Variants in STAMBPL1 observed in about 807,000 individuals in gnomAD.
STAMBPL1 encodes the protein STAM binding protein like 1.
Under a neutral mutation model 52.9 loss-of-function variants are expected in STAMBPL1, and 44 were observed. The ratio of observed to expected loss-of-function variants is 0.83; its 90% CI spans 0.65 to 1.07. STAMBPL1 has a LOEUF of 1.07. Ranked by LOEUF, STAMBPL1 falls within the 50% of genes least tolerant of loss-of-function variation. The pLI, the probability that STAMBPL1 is intolerant of heterozygous loss-of-function variation, is 0.00. For missense variants in STAMBPL1, 511 were observed against 520.8 expected, an observed-to-expected ratio of 0.98 and a Z score of 0.18; for synonymous variants, 164 against 177.3, an observed-to-expected ratio of 0.92 and a Z score of 0.60.
chr10:88,904,230 G>A (rs1249885739), intron 2 of STAMBPL1, among the ~76,000 whole-genome samples: 2 of 152,178 alleles, frequency 1.3e-5, no homozygotes, highest in Non-Finnish European at 2.9e-5. Flanking sequence ...GGTAGAAGGG[G>A]TTGGTCTAAA....
chr10:88,912,153 T>C (rs1258821787), intron 5 of STAMBPL1, among the ~76,000 whole-genome samples: 3 of 152,148 alleles, frequency 2.0e-5, no homozygotes, highest in African/African-American at 7.2e-5. Context: ...ATTAGCATCA[T>C]TTGGAAGCTT....
rs1342594073 is a variant in STAMBPL1 at position 88,921,279 on chromosome 10, A to T, written c.1042-4A>T. On this transcript the variant is annotated splice_polypyrimidine_tract_variant and splice_region_variant and intron_variant, in intron 8 of 10. Transcript: ENST00000371926. ...AGTAAGATTATCTTATTTTCTATTT[A>T]TAGACACATCCCACTCAAACTGCAT... 6.8e-6 allele frequency: 11 copies of T among 1,609,202 alleles called. No homozygotes were observed. The highest frequency in any genetic ancestry group is 9.4e-6 in the Non-Finnish European group (11 of 1,176,462).
At position 88,923,446 on chromosome 10, in the gene STAMBPL1, A is replaced by G. The variant is rs1456278436; in HGVS notation, c.*222A>G. 13 of 1,249,052 alleles carry G rather than the reference A, an allele frequency of 1.0e-5. No individual in the cohort carries two copies. In the African/African-American group the frequency reaches 1.4e-4, roughly 13 times the overall value. 77.4% of individuals were successfully genotyped at this position (1,249,052 alleles called of 1,614,324 possible). Reference sequence around the variant, plus strand: ...GTGTTAAATCGGTACCTGATAATGTACCCAAATACTATGGCCAGATAATAA... The same window carrying G: ...GTGTTAAATCGGTACCTGATAATGTGCCCAAATACTATGGCCAGATAATAA... On this transcript the variant is annotated 3_prime_UTR_variant, in exon 11 of 11. Transcript: ENST00000371926.
intron 2 of STAMBPL1, among the ~76,000 whole-genome samples, chr10:88,902,496 G>T (rs998319708): frequency 6.6e-6 from 1 of 152,082 alleles, no homozygotes; most frequent in African/African-American, 2.4e-5. Flanking sequence ...TACCCTGTAC[G>T]CACAAAGACT....
rs1367618011 is a variant in STAMBPL1 at position 88,913,367 on chromosome 10, A to G, written c.687A>G (p.Gln229=). Residue 229 remains glutamine (Q), a synonymous_variant, in exon 6 of 11, where the codon CAA becomes CAG. Coordinates refer to ENST00000371926, the MANE Select transcript of STAMBPL1 (RefSeq NM_020799.4). ...CCTTGCTGAATGTATTTGCAGATCA[A>G]CCTAATAAAAGTGATGCAACCAATT... ...NNSLLNVFAD[Q]PNKSDATNYA... is the part of the protein sequence containing the mutation. 5 of 1,613,838 alleles carry G rather than the reference A, an allele frequency of 3.1e-6. No homozygotes were observed. Among genetic ancestry groups the G allele is most frequent in the South Asian group, 2.2e-5 (2 of 91,072 alleles).
intron 1 of STAMBPL1, among the ~76,000 whole-genome samples, chr10:88,896,369 C>A (rs1316544805): frequency 6.6e-6 from 1 of 152,152 alleles, no homozygotes; most frequent in African/African-American, 2.4e-5. Flanking sequence ...CTCAGGAGAT[C>A]CTTCTTTGTG....
Position 88,913,190 on chromosome 10 carries a change from G to A in STAMBPL1, c.510G>A (p.Gln170=). 6.2e-7 allele frequency: 1 copy of A among 1,613,844 alleles called. No homozygotes were observed. Among genetic ancestry groups the A allele is most frequent in the South Asian group, 1.1e-5 (1 of 91,078 alleles). The change falls in exon 6 of 11, where the codon CAG becomes CAA. Residue 170 remains glutamine (Q), a synonymous_variant. Transcript: ENST00000371926. ...AGCGGATTGCTCAGATGCGCCAGCAGCAGCTAGAATCGGAGCAGTTTCTGT... is the reference window on the plus strand; with the variant it reads ...AGCGGATTGCTCAGATGCGCCAGCAACAGCTAGAATCGGAGCAGTTTCTGT... ...ERKRIAQMRQ[Q]QLESEQFLFF... is the part of the protein sequence containing the mutation.
At chr10:88,914,187 A>G (rs1259372959) in intron 6 of STAMBPL1, among the ~76,000 whole-genome samples, 3 of 152,174 alleles carry the variant, frequency 2.0e-5, no homozygotes, top group Non-Finnish European at 2.9e-5. Flanking sequence ...ATATTTATCT[A>G]TGTCTTATAG....
intron 5 of STAMBPL1, among the ~76,000 whole-genome samples, chr10:88,911,532 C>T (rs1160628116): frequency 6.6e-6 from 1 of 152,180 alleles, no homozygotes; most frequent in Admixed American, 6.5e-5. Flanking sequence ...AAAGAGTGAA[C>T]ATTATGATAA....
chr10:88,917,338 T>A (rs1165453713), intron 8 of STAMBPL1, among the ~76,000 whole-genome samples: 1 of 152,140 alleles, frequency 6.6e-6, no homozygotes, highest in Non-Finnish European at 1.5e-5. Flanking sequence ...GCAAACGATG[T>A]ATGGGATCAC....
intron 3 of STAMBPL1, among the ~76,000 whole-genome samples, chr10:88,905,931 G>C (rs1292783823): frequency 6.6e-6 from 1 of 152,068 alleles, no homozygotes; most frequent in African/African-American, 2.4e-5. Flanking sequence ...TTTAATACAT[G>C]TTTCACTCTT....
intron 8 of STAMBPL1, among the ~76,000 whole-genome samples, chr10:88,917,408 TC>T (rs1845398979): frequency 6.6e-6 from 1 of 152,112 alleles, no homozygotes; most frequent in African/African-American, 2.4e-5. Context: ...AATTCCAACA[TC>T]CACCAGGCCA....
At chr10:88,891,336 T>A (rs1175795486) in intron 1 of STAMBPL1, among the ~76,000 whole-genome samples, 2 of 152,176 alleles carry the variant, frequency 1.3e-5, no homozygotes, top group Non-Finnish European at 2.9e-5. Flanking sequence ...AAATTCCATG[T>A]AAAAATTAAA....
intron 5 of STAMBPL1, among the ~76,000 whole-genome samples, chr10:88,911,682 C>G (rs954215010): frequency 6.6e-6 from 1 of 152,190 alleles, no homozygotes; most frequent in Non-Finnish European, 1.5e-5. Context: ...ACCACCTTCA[C>G]TGACTCTCAC....
chr10:88,913,533 G>A lies in STAMBPL1; in HGVS notation c.778+75G>A, dbSNP rs1845285042. ...ACCATATTTCTATAGCATCTGGGAG[G>A]GTCCTTCTCATTTCATTATTAATTG... On this transcript the variant is annotated intron_variant, in intron 6 of 10. Transcript: ENST00000371926. The A allele has an allele frequency of 4.6e-6, 6 of 1,291,080 alleles. No homozygotes were observed. In the South Asian group the frequency reaches 7.1e-5, roughly 15 times the overall value. 80.0% of individuals were successfully genotyped at this position (1,291,080 alleles called of 1,614,324 possible).
intron 1 of STAMBPL1, among the ~76,000 whole-genome samples, chr10:88,887,265 C>T (rs1844559707): frequency 6.6e-6 from 1 of 152,002 alleles, no homozygotes; most frequent in Non-Finnish European, 1.5e-5. Flanking sequence ...AGATGAAAAT[C>T]ACTCAAAATC....
At chr10:88,889,519 C>T (rs1204202950) in intron 1 of STAMBPL1, among the ~76,000 whole-genome samples, 1 of 151,980 alleles carries the variant, frequency 6.6e-6, no homozygotes, top group Non-Finnish European at 1.5e-5. Context: ...CAAATGTTTC[C>T]TATAGTTTAC....
In STAMBPL1 at chr10:88,914,677, AATAT is replaced by A. The variant is rs6144018; in HGVS notation, c.903+34_903+37del. The A allele has an allele frequency of 4.1e-4, 345 of 848,042 alleles. No individual in the cohort carries two copies. The highest frequency in any genetic ancestry group is 6.7e-4 in the East Asian group (15 of 22,464). 52.5% of individuals were successfully genotyped at this position (848,042 alleles called of 1,614,324 possible). ...AAAACTGGTATGATCTTTTTATATA[AATAT>A]ATATATATATATATCTGCATAGGAT... On this transcript the variant is annotated intron_variant, in intron 7 of 10. Coordinates refer to ENST00000371926, the MANE Select transcript of STAMBPL1 (RefSeq NM_020799.4).
intron 1 of STAMBPL1, among the ~76,000 whole-genome samples, chr10:88,887,161 G>A (rs1433037047): frequency 6.6e-6 from 1 of 152,120 alleles, no homozygotes; most frequent in Non-Finnish European, 1.5e-5. Flanking sequence ...CCTGAAATAT[G>A]CCCTTCCTAT....
Sources: gnomAD v4.1 joint callset for allele counts (sites outside exome capture counted in the v4.1 genomes callset) on GRCh38, gnomAD v4.1.1 for gene constraint, MANE v1.5 for transcripts, NCBI Gene and HGNC (gene_info 2026-07-23, HGNC 2026-07-21) for gene names.